The following HIVEP3 variants were observed in gnomAD, a reference collection of about 807,000 sequenced individuals.
HIVEP3 encodes HIVEP zinc finger 3.
In HIVEP3, 49 loss-of-function variants were observed where a neutral mutation model predicts 152.8. The ratio of observed to expected loss-of-function variants is 0.32; its 90% CI spans 0.26 to 0.41. The LOEUF is 0.41. HIVEP3 is among the 10% of genes least tolerant of loss of function. HIVEP3 has a pLI of 1.00. For missense variants in HIVEP3, 2,790 were observed against 3,103.3 expected (o/e 0.90, Z 2.40); for synonymous variants, 1,269 against 1,289.0 (o/e 0.98, Z 0.33).
chr1:41,546,439 C>T (rs1643806260), intron 5 of HIVEP3, among the ~76,000 whole-genome samples: 1 of 152,224 alleles, frequency 6.6e-6, no homozygotes, highest in Non-Finnish European at 1.5e-5. Flanking sequence ...CGAGACAGAA[C>T]AGATGCAGCT....
At chr1:41,527,445 C>A in intron 5 of HIVEP3, among the ~76,000 whole-genome samples, 1 of 144,478 alleles carries the variant, frequency 6.9e-6, no homozygotes, top group Non-Finnish European at 1.5e-5. Flanking sequence ...ACCCCACCCT[C>A]ACCCTCACAC....
chr1:41,994,419 T>C (rs1414361946), intron 1 of HIVEP3, among the ~76,000 whole-genome samples: 4 of 152,146 alleles, frequency 2.6e-5, no homozygotes, highest in African/African-American at 9.7e-5. Flanking sequence ...CATGTTGAAT[T>C]GTAATTCCCA....
At chr1:42,023,076 G>A (rs908617014) in intron 1 of HIVEP3, among the ~76,000 whole-genome samples, 5 of 151,850 alleles carry the variant, frequency 3.3e-5, no homozygotes, top group Admixed American at 1.3e-4. Context: ...TGTCGTCCAG[G>A]CTGGAGTGCA....
intron 1 of HIVEP3, among the ~76,000 whole-genome samples, chr1:41,926,619 A>G (rs1156830495): frequency 6.6e-5 from 10 of 152,196 alleles, no homozygotes; most frequent in Non-Finnish European, 1.0e-4. Context: ...ATGAGCAGTT[A>G]TGGAGAGCTT....
chr1:41,855,571 T>G (rs1643743521), intron 1 of HIVEP3, among the ~76,000 whole-genome samples: 2 of 152,190 alleles, frequency 1.3e-5, no homozygotes, highest in South Asian at 4.1e-4. Context: ...TGCTGCACTT[T>G]TAAAACCTGC....
chr1:41,948,267 C>T (rs567085411), intron 1 of HIVEP3, among the ~76,000 whole-genome samples: 3 of 152,330 alleles, frequency 2.0e-5, no homozygotes, highest in South Asian at 4.1e-4. Context: ...ACTAATAGCC[C>T]TCACTCGGGC....
At chr1:41,640,774 C>T (rs1330312287) in intron 2 of HIVEP3, among the ~76,000 whole-genome samples, 1 of 152,196 alleles carries the variant, frequency 6.6e-6, no homozygotes, top group Admixed American at 6.5e-5. Flanking sequence ...TTTTCACAGT[C>T]ATACTAATGC....
At chr1:41,528,972 TCA>T (rs1331641458) in intron 5 of HIVEP3, among the ~76,000 whole-genome samples, 3 of 54,490 alleles carry the variant, frequency 5.5e-5, no homozygotes, top group African/African-American at 1.9e-4. Context: ...ACCCCCACCC[TCA>T]CACTCACCTT....
chr1:41,946,847 C>T (rs1206653877), intron 1 of HIVEP3, among the ~76,000 whole-genome samples: 1 of 152,070 alleles, frequency 6.6e-6, no homozygotes, highest in Non-Finnish European at 1.5e-5. Context: ...AGCCCAAGGC[C>T]TAGTAAAACC....
intron 1 of HIVEP3, among the ~76,000 whole-genome samples, chr1:41,802,928 G>C: frequency 6.6e-6 from 1 of 152,340 alleles, no homozygotes; most frequent in South Asian, 2.1e-4. Context: ...CATTGCCAAA[G>C]TGAGTATGAT....
intron 5 of HIVEP3, among the ~76,000 whole-genome samples, chr1:41,540,219 C>A (rs1229149894): frequency 6.6e-6 from 1 of 152,234 alleles, no homozygotes; most frequent in Non-Finnish European, 1.5e-5. Context: ...CAACGCTGGG[C>A]TACTACAACC....
chr1:41,983,032 A>C (rs1645302224), intron 1 of HIVEP3, among the ~76,000 whole-genome samples: 1 of 152,220 alleles, frequency 6.6e-6, no homozygotes, highest in Non-Finnish European at 1.5e-5. Context: ...GATTCTCAAA[A>C]GGAGTGTGCA....
intron 1 of HIVEP3, among the ~76,000 whole-genome samples, chr1:41,750,460 G>T (rs1358968465): frequency 6.6e-6 from 1 of 152,200 alleles, no homozygotes; most frequent in East Asian, 1.9e-4. Flanking sequence ...TGCATCATCT[G>T]GGAACCTTGT....
rs150626959 is a variant in HIVEP3 at position 41,510,219 on chromosome 1, G to GTT, written c.*230_*231dup. The stretch of plus-strand genomic sequence containing the variant: ...AGCCTCAGACTCCTCGTGGGTTGTT[G>GTT]TTTTTTTTTTAAATGTATGTATGTG... On this transcript the variant is annotated 3_prime_UTR_variant, in exon 9 of 9. Transcript: ENST00000372583. 4.2e-5 allele frequency: 15 copies of GTT among 353,626 alleles called. 1 individual carries two copies. The highest frequency in any genetic ancestry group is 1.5e-4 in the African/African-American group (7 of 46,536). The allele number at this position is 353,626 out of a possible 1,614,324, so 21.9% of individuals were successfully genotyped here.
chr1:41,796,730 T>C (rs1038731746), intron 1 of HIVEP3, among the ~76,000 whole-genome samples: 3 of 152,234 alleles, frequency 2.0e-5, no homozygotes, highest in Non-Finnish European at 4.4e-5. Flanking sequence ...ACATGTTATT[T>C]TATACTTACT....
chr1:41,805,328 C>T (rs1650539176), intron 1 of HIVEP3, among the ~76,000 whole-genome samples: 1 of 152,194 alleles, frequency 6.6e-6, no homozygotes, highest in African/African-American at 2.4e-5. Flanking sequence ...CAGAGTAAGA[C>T]TCCCTCTCAA....
chr1:41,830,898 G>A (rs576972626), intron 1 of HIVEP3, among the ~76,000 whole-genome samples: 14 of 152,212 alleles, frequency 9.2e-5, no homozygotes, highest in East Asian at 1.9e-4. Context: ...TTATCCCTAC[G>A]CGTTCGTGAC....
In HIVEP3 at chr1:41,511,156, T is replaced by C; in HGVS notation, c.6516A>G (p.Thr2172=). ...HDFHGHILAR[T]EENIFSHLPL... is the part of the protein sequence containing the mutation. ...GCAGGTGGCTGAAGATGTTCTCCTC[T>C]GTCCGGGCCAGGATGTGGCCGTGGA... Residue 2172 remains threonine, a synonymous_variant, in exon 9 of 9, where the codon ACA becomes ACG. Transcript: ENST00000372583. The surrounding 1 kb of genome is among the most constrained non-coding windows in gnomAD (Gnocchi z 4.9). The C allele has an allele frequency of 6.2e-7, 1 of 1,614,124 alleles. No individual in the cohort carries two copies. The highest frequency in any genetic ancestry group is 8.5e-7 in the Non-Finnish European group (1 of 1,180,012).
upstream of HIVEP3, among the ~76,000 whole-genome samples, chr1:41,919,734 A>G (rs937316843): frequency 6.6e-6 from 1 of 152,190 alleles, no homozygotes; most frequent in Non-Finnish European, 1.5e-5. Flanking sequence ...TTTTTTTGAA[A>G]AAAATTATTC....
Sources: gnomAD v4.1 joint callset for allele counts (sites outside exome capture counted in the v4.1 genomes callset) on GRCh38, gnomAD v4.1.1 for gene constraint, Gnocchi (gnomAD v3.1) non-coding constraint, MANE v1.5 for transcripts, NCBI Gene and HGNC (gene_info 2026-07-23, HGNC 2026-07-21) for gene names.